The following C13orf42 variants were observed in gnomAD, a reference collection of about 807,000 sequenced individuals.
C13orf42 encodes the protein uncharacterized protein C13orf42.
intron 2 of C13orf42, among the ~76,000 whole-genome samples, chr13:51,086,414 A>G (rs1953126810): frequency 6.6e-6 from 1 of 152,144 alleles, no homozygotes; most frequent in Non-Finnish European, 1.5e-5. Flanking sequence ...ATGAAAGGAC[A>G]TCCTAGTTTT....
intron 1 of C13orf42, among the ~76,000 whole-genome samples, chr13:51,156,489 G>A (rs1047447372): frequency 1.3e-5 from 2 of 152,200 alleles, no homozygotes; most frequent in African/African-American, 2.4e-5. Flanking sequence ...GAAAGGAAAT[G>A]AGGAGCTGGA....
In C13orf42 at chr13:51,084,787, G is replaced by C. The variant is rs1953104664; in HGVS notation, c.804-462C>G. Among the ~76,000 whole-genome samples the C allele has an allele frequency of 2.0e-5, 3 of 152,292 alleles. No homozygotes were observed. In the South Asian group the frequency reaches 6.2e-4, roughly 32 times the overall value. ...TAACAGGAATTTGACGGTTAGTGAT[G>C]GTAACTAGGCCTGGGGGAGGAGGAT... On this transcript the variant is annotated intron_variant, in intron 3 of 3. Transcript: ENST00000563710.
chr13:51,104,625 A>T (rs545534093), intron 1 of C13orf42, among the ~76,000 whole-genome samples: 17 of 152,352 alleles, frequency 1.1e-4, no homozygotes, highest in African/African-American at 3.4e-4. Flanking sequence ...CATTTATTGT[A>T]CCACACTAAA....
intron 1 of C13orf42, among the ~76,000 whole-genome samples, chr13:51,134,338 G>C (rs142801672): frequency 1.3e-5 from 2 of 152,182 alleles, no homozygotes; most frequent in Admixed American, 6.5e-5. Flanking sequence ...CCTTTACTGG[G>C]GTATGTAATG....
chr13:51,125,931 A>AG (rs1054373963), intron 1 of C13orf42, among the ~76,000 whole-genome samples: 1 of 152,164 alleles, frequency 6.6e-6, no homozygotes, highest in African/African-American at 2.4e-5. Flanking sequence ...CAAATGCACC[A>AG]GGGGGCAGCA....
chr13:51,093,365 T>C (rs923165189), intron 1 of C13orf42, among the ~76,000 whole-genome samples: 17 of 152,194 alleles, frequency 1.1e-4, no homozygotes, highest in African/African-American at 4.1e-4. Context: ...GGACTTTCTG[T>C]AGTGCTGGGA....
chr13:51,165,120 G>A (rs1399840196), intron 1 of C13orf42, among the ~76,000 whole-genome samples: 1 of 152,182 alleles, frequency 6.6e-6, no homozygotes, highest in African/African-American at 2.4e-5. Context: ...GACTCTGTCA[G>A]TGAGATTTCT....
In C13orf42 at chr13:51,103,208, G is replaced by C. The variant is rs533136738; in HGVS notation, c.414+7588C>G. On this transcript the variant is annotated intron_variant, in intron 1 of 3. Transcript: ENST00000563710. ...TCCCAAGCCTCTTCTCTGTGATCTAGTCAGGCTTGGGTCCACTTAGATGAC... is the reference window on the plus strand; with the variant it reads ...TCCCAAGCCTCTTCTCTGTGATCTACTCAGGCTTGGGTCCACTTAGATGAC... Among the ~76,000 whole-genome samples the C allele has an allele frequency of 5.3e-5, 8 of 152,270 alleles. No homozygotes were observed. In the East Asian group the frequency reaches 1.5e-3, roughly 29 times the overall value.
At chr13:51,110,429 T>G (rs118130442) in intron 1 of C13orf42, among the ~76,000 whole-genome samples, 1 of 152,094 alleles carries the variant, frequency 6.6e-6, no homozygotes, top group African/African-American at 2.4e-5. Context: ...CCTTTTTGCT[T>G]CCTGGGTATT....
intron 1 of C13orf42, among the ~76,000 whole-genome samples, chr13:51,170,811 C>A (rs1178120630): frequency 2.6e-5 from 4 of 151,460 alleles, no homozygotes; most frequent in Non-Finnish European, 5.9e-5. Flanking sequence ...TATCCCTCAA[C>A]CCCTTCTCCT....
At chr13:51,128,022 C>G (rs1203796036) in intron 1 of C13orf42, among the ~76,000 whole-genome samples, 1 of 152,214 alleles carries the variant, frequency 6.6e-6, no homozygotes, top group Non-Finnish European at 1.5e-5. Context: ...ACCAAGATGG[C>G]AACAAGAATC....
intron 1 of C13orf42, chr13:51,161,900 T>C: frequency 2.0e-6 from 1 of 493,918 alleles, no homozygotes; most frequent in South Asian, 1.5e-5. Flanking sequence ...AAGGCCTGCA[T>C]CCAAACAGCA....
At chr13:51,097,770 A>G in intron 1 of C13orf42, among the ~76,000 whole-genome samples, 1 of 151,424 alleles carries the variant, frequency 6.6e-6, no homozygotes, top group Non-Finnish European at 1.5e-5. Context: ...TTCCTAGCCC[A>G]GACCTTTTGG....
In C13orf42 at chr13:51,083,793, G is replaced by A. The variant is rs1011295378; in HGVS notation, c.*358C>T. ...ATTTCTGGTACTGAGCACATTGCTAGCAGCCACCTGGACAGACACGTGGAG... is the reference window on the plus strand; with the variant it reads ...ATTTCTGGTACTGAGCACATTGCTAACAGCCACCTGGACAGACACGTGGAG... On this transcript the variant is annotated 3_prime_UTR_variant, in exon 4 of 4. Transcript: ENST00000563710. 5.8e-5 allele frequency: 10 copies of A among 173,658 alleles called. No homozygotes were observed. The highest frequency in any genetic ancestry group is 1.9e-4 in the African/African-American group (8 of 42,380). The allele number at this position is 173,658 out of a possible 1,614,324, so 10.8% of individuals were successfully genotyped here.
In C13orf42 at chr13:51,157,232, G is replaced by A. The variant is rs748160076; in HGVS notation, n.136+15021C>T. ...ACGGATCGTTTGAGGTCAGGAGTTC[G>A]AGACCAGCCTGGTCAACATGGTGAA... On this transcript the variant is annotated intron_variant and non_coding_transcript_variant, in intron 1 of 4. Transcript: ENST00000433280. 1.4e-4 allele frequency among the ~76,000 whole-genome samples: 21 copies of A among 152,160 alleles called. 1 individual carries two copies. Among genetic ancestry groups the A allele is most frequent in the South Asian group, 6.2e-4 (3 of 4,816 alleles).
rs541859532 is a variant in C13orf42 at position 51,171,376 on chromosome 13, C to T, written n.136+877G>A. ...CGGTCTGAGGTGCCTGACGTCCAGG[C>T]ATTCTTTTACACATCAGTCCCTTCC... On this transcript the variant is annotated intron_variant and non_coding_transcript_variant, in intron 1 of 4. Coordinates refer to the C13orf42 transcript ENST00000433280. Among the ~76,000 whole-genome samples, 318 of 152,246 alleles carry T rather than the reference C, an allele frequency of 2.1e-3. 1 individual carries two copies. Among genetic ancestry groups the T allele is most frequent in the South Asian group, 5.6e-3 (27 of 4,820 alleles).
intron 1 of C13orf42, among the ~76,000 whole-genome samples, chr13:51,160,977 A>C (rs1307608955): frequency 1.3e-5 from 2 of 148,214 alleles, no homozygotes; most frequent in African/African-American, 2.4e-5. Flanking sequence ...AAAAAAAAAA[A>C]CAAAAAACTG....
intron 1 of C13orf42, among the ~76,000 whole-genome samples, chr13:51,157,094 A>G (rs1397456319): frequency 1.3e-5 from 2 of 152,220 alleles, no homozygotes; most frequent in Non-Finnish European, 2.9e-5. Context: ...ATCCAGGCCT[A>G]GAACACTTCC....
intron 1 of C13orf42, among the ~76,000 whole-genome samples, chr13:51,140,309 A>G (rs1953686691): frequency 6.6e-6 from 1 of 152,132 alleles, no homozygotes. Flanking sequence ...GTCTCCCTCA[A>G]TGTATAAAAC....
Sources: allele counts gnomAD v4.1 joint callset (sites outside exome capture counted in the v4.1 genomes callset), GRCh38; gene constraint gnomAD v4.1.1; transcripts MANE v1.5; gene names NCBI Gene and HGNC (gene_info 2026-07-23, HGNC 2026-07-21).